The following SSBP2 variants were observed in gnomAD, a reference collection of about 807,000 sequenced individuals.
SSBP2 encodes the protein single stranded DNA binding protein 2.
SSBP2 carries 17 observed loss-of-function variants against 61.8 expected under a neutral mutation model. The ratio of observed to expected loss-of-function variants is 0.28; its 90% CI spans 0.19 to 0.41. The LOEUF (loss-of-function observed/expected upper bound fraction) is 0.41. Among genes scored for constraint, SSBP2 ranks in the 10% least tolerant of loss-of-function variants. The pLI is 1.00. For missense variants in SSBP2, 310 were observed against 458.7 expected, an observed-to-expected ratio of 0.68 and a Z score of 2.96; for synonymous variants, 139 against 141.3, an observed-to-expected ratio of 0.98 and a Z score of 0.12.
At chr5:81,649,408 G>A (rs1444492289) in intron 2 of SSBP2, among the ~76,000 whole-genome samples, 1 of 152,008 alleles carries the variant, frequency 6.6e-6, no homozygotes, top group African/African-American at 2.4e-5. Context: ...AGATGAAGAT[G>A]GGGTACATAT....
chr5:81,546,469 A>G (rs1220294435), intron 4 of SSBP2, among the ~76,000 whole-genome samples: 2 of 152,078 alleles, frequency 1.3e-5, no homozygotes, highest in Non-Finnish European at 2.9e-5. Flanking sequence ...GACAAACAAT[A>G]ACAAAAATTG....
chr5:81,471,032 T>C (rs1246913221), intron 8 of SSBP2, among the ~76,000 whole-genome samples: 1 of 151,866 alleles, frequency 6.6e-6, no homozygotes, highest in Non-Finnish European at 1.5e-5. Context: ...GTATAAATAA[T>C]TTCCTTTAAT....
chr5:81,530,752 T>C (rs1297867254), intron 4 of SSBP2, among the ~76,000 whole-genome samples: 1 of 152,120 alleles, frequency 6.6e-6, no homozygotes. Context: ...CTGTGCCTTA[T>C]TACTACTGGA....
intron 5 of SSBP2, among the ~76,000 whole-genome samples, chr5:81,495,676 T>C (rs1767222504): frequency 6.6e-6 from 1 of 152,214 alleles, no homozygotes; most frequent in African/African-American, 2.4e-5. Context: ...AATGTCAAGA[T>C]AATTAATTCT....
chr5:81,472,405 T>A (rs908627732), intron 8 of SSBP2, among the ~76,000 whole-genome samples: 1 of 152,168 alleles, frequency 6.6e-6, no homozygotes, highest in African/African-American at 2.4e-5. Context: ...TAACATCTGA[T>A]GTATACTGAT....
chr5:81,470,693 G>C (rs938611806), intron 8 of SSBP2, among the ~76,000 whole-genome samples: 2 of 151,842 alleles, frequency 1.3e-5, no homozygotes, highest in African/African-American at 4.8e-5. Context: ...TGTGTATTTT[G>C]TTTGTGCATA....
chr5:81,619,559 AT>A lies in SSBP2; in HGVS notation c.198-4003del, dbSNP rs1451500516. On this transcript the variant is annotated intron_variant, in intron 3 of 16. Coordinates refer to ENST00000320672, the MANE Select transcript of SSBP2 (RefSeq NM_012446.5). ...AACTGGTACCATTCCTTCTGAAACTATTCCAATCAATAGAAAAAGAGGGAAT... is the reference window on the plus strand; with the variant it reads ...AACTGGTACCATTCCTTCTGAAACTATCCAATCAATAGAAAAAGAGGGAAT... 6.7e-5 allele frequency among the ~76,000 whole-genome samples: 10 copies of A among 148,400 alleles called. No homozygotes were observed. In the East Asian group the frequency reaches 2.0e-3, roughly 29 times the overall value.
chr5:81,713,440 T>C (rs1461048678), intron 1 of SSBP2, among the ~76,000 whole-genome samples: 3 of 151,944 alleles, frequency 2.0e-5, no homozygotes, highest in African/African-American at 7.3e-5. Flanking sequence ...AACAGGCATA[T>C]CACACTAAAA....
intron 4 of SSBP2, among the ~76,000 whole-genome samples, chr5:81,609,488 T>G (rs1396300166): frequency 6.6e-6 from 1 of 152,158 alleles, no homozygotes; most frequent in East Asian, 1.9e-4. Flanking sequence ...TCCAAACAGA[T>G]TATGAACCCC....
At chr5:81,446,727 T>C (rs1763425679) in intron 12 of SSBP2, 141 bp downstream of exon 12, 2 of 747,422 alleles carry the variant, frequency 2.7e-6, no homozygotes, top group Admixed American at 3.5e-5. Flanking sequence ...GAACACTATA[T>C]TTCTTCCTAC....
At chr5:81,445,178 GTA>G (rs61205452) in intron 12 of SSBP2, among the ~76,000 whole-genome samples, 1 of 60,760 alleles carries the variant, frequency 1.6e-5, no homozygotes, top group Non-Finnish European at 2.7e-5. Flanking sequence ...ATATATATAT[GTA>G]TGTATTTACT....
intron 5 of SSBP2, among the ~76,000 whole-genome samples, chr5:81,490,425 C>T (rs971248516): frequency 2.6e-5 from 4 of 151,774 alleles, no homozygotes; most frequent in African/African-American, 4.8e-5. Context: ...ATTACTTAAA[C>T]GTAAGATGTT....
intron 15 of SSBP2, among the ~76,000 whole-genome samples, chr5:81,431,559 G>A (rs1762290991): frequency 6.6e-6 from 1 of 151,490 alleles, no homozygotes; most frequent in African/African-American, 2.4e-5. Context: ...TTCCTGGTCT[G>A]ATTTCTTCTA....
chr5:81,511,700 A>T (rs1768621356), intron 5 of SSBP2, among the ~76,000 whole-genome samples: 3 of 152,184 alleles, frequency 2.0e-5, no homozygotes, highest in Admixed American at 2.0e-4. Flanking sequence ...GTCATCACAG[A>T]ACTTTAAACT....
intron 1 of SSBP2, among the ~76,000 whole-genome samples, chr5:81,682,689 G>C (rs1752486983): frequency 6.6e-6 from 1 of 151,934 alleles, no homozygotes; most frequent in Admixed American, 6.6e-5. Context: ...AACACAAATA[G>C]GAAATAAAAG....
intron 1 of SSBP2, among the ~76,000 whole-genome samples, chr5:81,698,211 ATTTT>A (rs1022819167): frequency 6.6e-6 from 1 of 152,198 alleles, no homozygotes; most frequent in Admixed American, 6.5e-5. Flanking sequence ...TAATTTTAAG[ATTTT>A]TTTGGCATAT....
At chr5:81,429,230 A>G (rs1469963266) in intron 15 of SSBP2, among the ~76,000 whole-genome samples, 1 of 152,262 alleles carries the variant, frequency 6.6e-6, no homozygotes, top group Non-Finnish European at 1.5e-5. Context: ...GAGACACCTT[A>G]GGACTTGAGA....
At chr5:81,506,300 C>T (rs576653771) in intron 5 of SSBP2, among the ~76,000 whole-genome samples, 151 of 152,228 alleles carry the variant, frequency 9.9e-4, no homozygotes, top group Non-Finnish European at 1.6e-3. Context: ...AACTTCCTCA[C>T]CTCCACTATC....
intron 5 of SSBP2, among the ~76,000 whole-genome samples, chr5:81,501,861 C>G (rs1767816911): frequency 6.6e-6 from 1 of 151,688 alleles, no homozygotes; most frequent in South Asian, 2.1e-4. Flanking sequence ...CTGCGCCCTG[C>G]CCCCTGGTGT....
Sources: gnomAD v4.1 joint callset for allele counts (sites outside exome capture counted in the v4.1 genomes callset) on GRCh38, gnomAD v4.1.1 for gene constraint, MANE v1.5 for transcripts, NCBI Gene and HGNC (gene_info 2026-07-23, HGNC 2026-07-21) for gene names.